TOP3B: variants seen among roughly 807,000 people sequenced by gnomAD.
TOP3B encodes the protein DNA topoisomerase III beta.
In TOP3B, 45 loss-of-function variants were observed where a neutral mutation model predicts 93.9. The observed-to-expected ratio is 0.48, with a 90% CI of 0.38 to 0.61. TOP3B has a LOEUF of 0.61. Among genes scored for constraint, TOP3B ranks in the 20% least tolerant of loss-of-function variants. The pLI is 0.00. For synonymous variants in TOP3B, 357 were observed against 472.6 expected (o/e 0.76, Z 3.17); for missense variants, 750 against 1,156.1 (o/e 0.65, Z 5.09).
chr22:21,959,378 G>A, intron 15 of TOP3B, 146 bp from the exon 16 acceptor site: 1 of 1,486,542 alleles, frequency 6.7e-7, no homozygotes, highest in Non-Finnish European at 8.9e-7. Flanking sequence ...CAGCAGCCCT[G>A]TGCGTCAGAG....
At chr22:21,978,524 G>A (rs2084543425) in intron 1 of TOP3B, among the ~76,000 whole-genome samples, 1 of 152,188 alleles carries the variant, frequency 6.6e-6, no homozygotes, top group South Asian at 2.1e-4. Flanking sequence ...CCATTGGACA[G>A]CCTGGGTGGC....
chr22:21,959,696 C>T lies in TOP3B; in HGVS notation c.1695G>A (p.Glu565=), dbSNP rs1247988557. The T allele has an allele frequency of 1.4e-5, 23 of 1,613,450 alleles. No homozygotes were observed. Among genetic ancestry groups the T allele is most frequent in the Non-Finnish European group, 1.9e-5 (22 of 1,179,958 alleles). Residue 565 remains glutamate (E), a synonymous_variant, in exon 15 of 18, where the codon GAG becomes GAA. Coordinates refer to ENST00000357179, the MANE Select transcript of TOP3B (RefSeq NM_001282112.2). ...CCTGGGCGATCAGGTTCAGCTGCTT[C>T]TCCACTGCACTGCGGATGGTGGGGA... ...LVLPTIRSAV[E]KQLNLIAQGK...
At chr22:21,965,721 G>C (rs1281623207) in intron 8 of TOP3B, 2 of 161,980 alleles carry the variant, frequency 1.2e-5, no homozygotes, top group Non-Finnish European at 2.7e-5. Flanking sequence ...ACAAACATTA[G>C]CTGGGCATGG....
Position 21,960,413 on chromosome 22 carries a change from ATGT to A in TOP3B, c.1559_1561del (p.Asn520del), listed in dbSNP as rs769582416. On this transcript the variant is annotated inframe_deletion, in exon 14 of 18. Coordinates refer to ENST00000357179, the MANE Select transcript of TOP3B (RefSeq NM_001282112.2). The stretch of plus-strand genomic sequence containing the variant: ...CACCGTGACATAGTTGCGCTGGCAG[ATGT>A]TGTTGATATGCACAGGGATGCTGGC... 3.7e-6 allele frequency: 6 copies of A among 1,613,566 alleles called. No individual in the cohort carries two copies. The highest frequency in any genetic ancestry group is 2.2e-5 in the South Asian group (2 of 91,054).
At chr22:21,967,886 T>C (rs1425379434) in intron 7 of TOP3B, 170 bp from the exon 8 acceptor site, 1 of 592,726 alleles carries the variant, frequency 1.7e-6, no homozygotes, top group Non-Finnish European at 3.0e-6. Flanking sequence ...CAAGCTGACA[T>C]CTGGCCCTCT....
chr22:21,961,676 C>T (rs2145834802), intron 13 of TOP3B: 1 of 153,880 alleles, frequency 6.5e-6, no homozygotes, highest in Admixed American at 6.4e-5. Flanking sequence ...GAGAGTCCAC[C>T]TATATGACCA....
In TOP3B at chr22:21,963,982, T is replaced by C. The variant is rs75602167; in HGVS notation, c.1145A>G (p.His382Arg). ...AEGINRPRKGHDAGDHPPITP... is the reference protein window; with the variant it reads ...AEGINRPRKGRDAGDHPPITP... ...GATGGGGGGATGGTCGCCGGCGTCA[T>C]GGCCTTTCCGCGGGCGGTTGATACC... is the stretch of plus-strand genomic sequence containing the variant. Residue 382 changes from histidine (H) to arginine (R), a missense_variant, in exon 11 of 18, where the codon CAT becomes CGT. By Grantham distance (29) the His-to-Arg change is conservative. Transcript: ENST00000357179. This position sits in a 1 kb window ranked among gnomAD's most constrained non-coding sequence, Gnocchi z 4.8. 26,695 of 1,612,800 alleles carry C rather than the reference T, an allele frequency of 0.017. 351 individuals are homozygous for C. Among genetic ancestry groups the C allele is most frequent in the Non-Finnish European group, 0.018 (21,684 of 1,179,626 alleles).
chr22:21,967,726 A>C lies in TOP3B; in HGVS notation c.739-10T>G. ...CTTTGTCAGTGTTAACCTGCAGGAA[A>C]AAGGATAAAGGGTGAACGCACAAGA... On this transcript the variant is annotated splice_polypyrimidine_tract_variant and intron_variant, in intron 7 of 17. Transcript: ENST00000357179. The C allele has an allele frequency of 6.2e-7, 1 of 1,605,076 alleles. No individual in the cohort carries two copies. Among genetic ancestry groups the C allele is most frequent in the Non-Finnish European group, 8.5e-7 (1 of 1,172,134 alleles).
In TOP3B at chr22:21,964,314, G is replaced by A; in HGVS notation, c.945C>T (p.Gly315=). 6.2e-7 allele frequency: 1 copy of A among 1,613,388 alleles called. No homozygotes were observed. Among genetic ancestry groups the A allele is most frequent in the Non-Finnish European group, 8.5e-7 (1 of 1,179,982 alleles). Residue 315 remains glycine (G), a splice_region_variant and synonymous_variant, in exon 10 of 18, where the codon GGC becomes GGT. Transcript: ENST00000357179. ...TCTGCATGGCGTGCTGCGGCCCCAT[G>A]CCTGCGAGAGACAGGAGGTTCTCAG... ...EMLRVASSSL[G]MGPQHAMQTA...
In TOP3B at chr22:21,970,449, C is replaced by T; in HGVS notation, c.385-43G>A. ...CCAGCTGTGACCCACCTCCCAGATC[C>T]CTGCCACAGCTCCCCACCCCACTGT... is the stretch of plus-strand genomic sequence containing the variant. On this transcript the variant is annotated intron_variant, in intron 5 of 17. Transcript: ENST00000357179. The surrounding 1 kb of genome is among the most constrained non-coding windows in gnomAD (Gnocchi z 4.4). 1 of 1,591,998 alleles carries T rather than the reference C, an allele frequency of 6.3e-7. No individual in the cohort carries two copies. Among genetic ancestry groups the T allele is most frequent in the Non-Finnish European group, 8.6e-7 (1 of 1,166,660 alleles).
chr22:21,963,595 C>G lies in TOP3B; in HGVS notation c.1204+328G>C, dbSNP rs573705734. ...TCCTCATTTGCCTTCTCCTGGCACT[C>G]GGACCACTGGTACCACCTTAGGCCA... On this transcript the variant is annotated intron_variant, in intron 11 of 17. Coordinates refer to ENST00000357179, the MANE Select transcript of TOP3B (RefSeq NM_001282112.2). The surrounding 1 kb of genome is among the most constrained non-coding windows in gnomAD (Gnocchi z 4.8). 5.3e-4 allele frequency: 185 copies of G among 347,854 alleles called. 1 individual carries two copies. The highest frequency in any genetic ancestry group is 3.3e-3 in the African/African-American group (154 of 46,884). The allele number at this position is 347,854 out of a possible 1,614,324, so 21.5% of individuals were successfully genotyped here.
chr22:21,979,405 G>A (rs2084567228), intron 1 of TOP3B, among the ~76,000 whole-genome samples: 1 of 152,054 alleles, frequency 6.6e-6, no homozygotes, highest in African/African-American at 2.4e-5. Context: ...CTGTGAGACA[G>A]GTAGAGAGTG....
rs747797599 is a variant in TOP3B, at chr22:21,963,875, C to T, written c.1204+48G>A. 40 of 1,591,570 alleles carry T rather than the reference C, an allele frequency of 2.5e-5. No homozygotes were observed. The highest frequency in any genetic ancestry group is 4.5e-5 in the East Asian group (2 of 44,798). ...GCCTGCAACCTTCACTGTCGCAGCT[C>T]GCCCTTCCCTCCCTGGAAGCACACC... On this transcript the variant is annotated intron_variant, in intron 11 of 17. Transcript: ENST00000357179. The surrounding 1 kb of genome is among the most constrained non-coding windows in gnomAD (Gnocchi z 4.8).
chr22:21,961,487 A>T (rs1601817046), intron 13 of TOP3B: 1 of 152,440 alleles, frequency 6.6e-6, no homozygotes, highest in South Asian at 2.1e-4. Context: ...CCAGTGTCCC[A>T]TCAATGCGAG....
intron 13 of TOP3B, chr22:21,961,986 C>T: frequency 4.9e-6 from 3 of 617,376 alleles, no homozygotes; most frequent in South Asian, 5.4e-5. Flanking sequence ...CTTTGGGGAG[C>T]CCTGTGCCTG....
Position 21,975,670 on chromosome 22 carries a change from C to A in TOP3B, c.40G>T (p.Ala14Ser). ...GAGAGGATTTTGGCAATTGACTGTG[C>A]CAAGGACGGCTTTTCAGCAACCATG... ...VLMVAEKPSL[A>S]QSIAKILSRG... Residue 14 changes from alanine (A) to serine (S), a missense_variant, in exon 2 of 18, where the codon GCA becomes TCA. By Grantham distance (99) the Ala-to-Ser change is moderately conservative. This residue lies in a region of TOP3B where 737 missense variants were observed against 933.7 expected (regional missense o/e 0.79). Transcript: ENST00000357179. 1 of 1,612,114 alleles carries A rather than the reference C, an allele frequency of 6.2e-7. No homozygotes were observed. Among genetic ancestry groups the A allele is most frequent in the Non-Finnish European group, 8.5e-7 (1 of 1,178,694 alleles).
chr22:21,971,511 G>A lies in TOP3B; in HGVS notation c.384+366C>T. 1 of 356,618 alleles carries A rather than the reference G, an allele frequency of 2.8e-6. No homozygotes were observed. The highest frequency in any genetic ancestry group is 2.2e-5 in the South Asian group (1 of 45,820). The allele number at this position is 356,618 out of a possible 1,614,324, so 22.1% of individuals were successfully genotyped here. A position where few individuals can be genotyped will look rare whatever the true frequency, so the allele number is the denominator to read the frequency against. On this transcript the variant is annotated intron_variant, in intron 5 of 17. Transcript: ENST00000357179. The surrounding 1 kb of genome is among the most constrained non-coding windows in gnomAD (Gnocchi z 4.6). ...AAAAGGAGCTCAGTGCTGAGGTCGG[G>A]AATCAACCAGCATCAACCCAAGGTC...
At chr22:21,977,921 G>C (rs371569784) in intron 1 of TOP3B, among the ~76,000 whole-genome samples, 1 of 152,118 alleles carries the variant, frequency 6.6e-6, no homozygotes, top group Non-Finnish European at 1.5e-5. Flanking sequence ...GGGAGCAGGG[G>C]AGGGACAGGG....
intron 13 of TOP3B, chr22:21,962,029 A>C: frequency 1.1e-6 from 1 of 919,162 alleles, no homozygotes; most frequent in Non-Finnish European, 1.4e-6. Flanking sequence ...CCAGGGAAGC[A>C]GCTCCTGTGA....
Sources: allele counts gnomAD v4.1 joint callset (sites outside exome capture counted in the v4.1 genomes callset), GRCh38; gene constraint gnomAD v4.1.1; regional missense constraint gnomAD v4.1.1; non-coding constraint Gnocchi (gnomAD v3.1); transcripts MANE v1.5; gene names NCBI Gene and HGNC (gene_info 2026-07-23, HGNC 2026-07-21).